SYTL2: variants seen among roughly 807,000 people sequenced by gnomAD.
The protein encoded by SYTL2 is synaptotagmin-like protein 2.
In SYTL2, 165 loss-of-function variants were observed where a neutral mutation model predicts 198.7. The ratio of observed to expected loss-of-function variants is 0.83; its 90% CI spans 0.73 to 0.94. The LOEUF is 0.94. Ranked by LOEUF, SYTL2 falls within the 40% of genes least tolerant of loss-of-function variation. The probability of loss-of-function intolerance (pLI) is 0.00; values close to 1 mark genes in which losing one functional copy is unlikely to be tolerated. For missense variants in SYTL2, 2,835 were observed against 2,582.8 expected, an observed-to-expected ratio of 1.10 and a Z score of -2.12; for synonymous variants, 966 against 917.7, an observed-to-expected ratio of 1.05 and a Z score of -0.95.
chr11:85,758,775 T>G (rs968734209), intron 1 of SYTL2, among the ~76,000 whole-genome samples: 4 of 152,190 alleles, frequency 2.6e-5, no homozygotes, highest in Non-Finnish European at 5.9e-5. Flanking sequence ...GATTTTTCAG[T>G]TGCACAATGT....
chr11:85,799,214 G>A (rs1486471334), intron 1 of SYTL2, among the ~76,000 whole-genome samples: 3 of 152,138 alleles, frequency 2.0e-5, no homozygotes, highest in African/African-American at 7.2e-5. Context: ...AGCCTTCTGG[G>A]CTTTGGGCAT....
intron 16 of SYTL2, among the ~76,000 whole-genome samples, chr11:85,700,797 T>C (rs2084176099): frequency 6.6e-6 from 1 of 152,208 alleles, no homozygotes; most frequent in African/African-American, 2.4e-5. Flanking sequence ...TTGAAAAATC[T>C]TGCAGGATAC....
At chr11:85,720,992 A>G in intron 8 of SYTL2, 33 bp from the exon 9 acceptor site, 1 of 1,304,944 alleles carries the variant, frequency 7.7e-7, no homozygotes, top group Admixed American at 2.0e-5. Context: ...AACACTGCAC[A>G]ATACCAAAAA....
At chr11:85,850,510 A>C in the SYTL2 span, among the ~76,000 whole-genome samples, 3 of 151,718 alleles carry the variant, frequency 2.0e-5, no homozygotes, top group Non-Finnish European at 4.4e-5. Context: ...GGCCATCATT[A>C]AAAAGTCAGG....
In SYTL2 at chr11:85,695,127, C is replaced by G; in HGVS notation, c.*68G>C. The G allele has an allele frequency of 6.6e-7, 1 of 1,505,562 alleles. No individual in the cohort carries two copies. The highest frequency in any genetic ancestry group is 1.3e-5 in the South Asian group (1 of 79,466). 93.3% of individuals were successfully genotyped at this position (1,505,562 alleles called of 1,614,324 possible). On this transcript the variant is annotated 3_prime_UTR_variant, in exon 20 of 20. Coordinates refer to ENST00000359152, the MANE Select transcript of SYTL2 (RefSeq NM_206927.4). Reference sequence around the variant, plus strand: ...GAAAGTGAGGATATTTGTCCACCTACTCAGATTTTCAAGATCAGATTCCAC... The same window carrying G: ...GAAAGTGAGGATATTTGTCCACCTAGTCAGATTTTCAAGATCAGATTCCAC...
intron 1 of SYTL2, among the ~76,000 whole-genome samples, chr11:85,789,371 T>G (rs1566026305): frequency 1.8e-5 from 1 of 56,214 alleles, no homozygotes; most frequent in Non-Finnish European, 3.2e-5. Flanking sequence ...TATATATATA[T>G]ATATATGTAT....
intron 18 of SYTL2, among the ~76,000 whole-genome samples, chr11:85,697,417 G>A (rs915738270): frequency 6.6e-6 from 1 of 152,088 alleles, no homozygotes; most frequent in Non-Finnish European, 1.5e-5. Context: ...AGAGAAACTA[G>A]GAGAGCATAC....
chr11:85,710,756 A>G (rs779022481), intron 13 of SYTL2, among the ~76,000 whole-genome samples: 5 of 152,220 alleles, frequency 3.3e-5, no homozygotes, highest in Non-Finnish European at 5.9e-5. Flanking sequence ...GTTCAATTCT[A>G]TGCCTGCAAA....
rs937135999 is a variant in SYTL2, at chr11:85,810,989, C to G, written c.-425G>C. ...CTGCCGGGCAGGGAGCGCGCCTCGC[C>G]GTCTCTCTTGTCTTCTGGCCCCCAG... is the stretch of plus-strand genomic sequence containing the variant. On this transcript the variant is annotated 5_prime_UTR_variant, in exon 1 of 20. Coordinates refer to ENST00000359152, the MANE Select transcript of SYTL2 (RefSeq NM_206927.4). The G allele has an allele frequency of 2.0e-5, 3 of 152,230 alleles. No individual in the cohort carries two copies. The highest frequency in any genetic ancestry group is 7.2e-5 in the African/African-American group (3 of 41,464). 9.4% of individuals were successfully genotyped at this position (152,230 alleles called of 1,614,324 possible).
In SYTL2 at chr11:85,748,376, C is replaced by T; in HGVS notation, c.149G>A (p.Ser50Asn). ...CTTGGCTTCATAAAACCATTGGCCACTCATATTCTTCAGCTGCTGGTCATC... is the reference window on the plus strand; with the variant it reads ...CTTGGCTTCATAAAACCATTGGCCATTCATATTCTTCAGCTGCTGGTCATC... Reference protein sequence around the residue: ...IKDDQQLKNMSGQWFYEAKAK... With the variant: ...IKDDQQLKNMNGQWFYEAKAK... The change falls in exon 3 of 20, where the codon AGT becomes AAT. Residue 50 changes from serine to asparagine, a missense_variant. By Grantham distance (46) the Ser-to-Asn change is conservative. Transcript: ENST00000359152. 1 of 1,614,018 alleles carries T rather than the reference C, an allele frequency of 6.2e-7. No homozygotes were observed. Among genetic ancestry groups the T allele is most frequent in the Middle Eastern group, 1.7e-4 (1 of 6,058 alleles).
intron 4 of SYTL2, among the ~76,000 whole-genome samples, chr11:85,738,288 C>T (rs948092687): frequency 6.6e-6 from 1 of 152,174 alleles, no homozygotes; most frequent in African/African-American, 2.4e-5. Context: ...GCTATTTTTA[C>T]ACAATTACTC....
chr11:85,763,987 C>A (rs1016051336), intron 1 of SYTL2, among the ~76,000 whole-genome samples: 13 of 152,212 alleles, frequency 8.5e-5, no homozygotes, highest in Non-Finnish European at 1.5e-4. Context: ...AGTGTACCAG[C>A]CCGATGATCA....
intron 1 of SYTL2, among the ~76,000 whole-genome samples, chr11:85,790,020 TATAAG>T (rs1448112041): frequency 3.3e-5 from 5 of 152,072 alleles, no homozygotes; most frequent in African/African-American, 1.2e-4. Context: ...TTTGCATATA[TATAAG>T]ATATCTTGGG....
chr11:85,832,925 G>T, the SYTL2 span, among the ~76,000 whole-genome samples: 1 of 150,364 alleles, frequency 6.7e-6, no homozygotes, highest in African/African-American at 2.4e-5. Flanking sequence ...GAGCCCAGGA[G>T]GTCAAGGCTG....
intron 1 of SYTL2, among the ~76,000 whole-genome samples, chr11:85,777,593 G>C (rs996130913): frequency 2.6e-5 from 4 of 151,704 alleles, no homozygotes; most frequent in African/African-American, 9.7e-5. Flanking sequence ...TTATAAAACA[G>C]GCCCAGGCTC....
At chr11:85,798,412 C>T (rs1054017592) in intron 1 of SYTL2, among the ~76,000 whole-genome samples, 7 of 152,168 alleles carry the variant, frequency 4.6e-5, no homozygotes, top group Non-Finnish European at 1.0e-4. Context: ...TATGTAAAGA[C>T]CAATAACTTC....
In SYTL2 at chr11:85,811,123, C is replaced by G. The variant is rs901423372; in HGVS notation, c.-559G>C. ...TCCCGACGGACGCTGGCGGCACGGC[C>G]CGGGTGTCGCCCGGCACTGTCAACG... On this transcript the variant is annotated 5_prime_UTR_variant, in exon 1 of 20. Coordinates refer to ENST00000359152, the MANE Select transcript of SYTL2 (RefSeq NM_206927.4). 6.6e-6 allele frequency: 1 copy of G among 152,200 alleles called. No individual in the cohort carries two copies. Among genetic ancestry groups the G allele is most frequent in the Non-Finnish European group, 1.5e-5 (1 of 68,050 alleles). The allele number at this position is 152,200 out of a possible 1,614,324, so 9.4% of individuals were successfully genotyped here. A position where few individuals can be genotyped will look rare whatever the true frequency, so the allele number is the denominator to read the frequency against.
At chr11:85,768,835 TA>T (rs1467235233) in intron 1 of SYTL2, among the ~76,000 whole-genome samples, 1 of 152,142 alleles carries the variant, frequency 6.6e-6, no homozygotes, top group East Asian at 1.9e-4. Flanking sequence ...AGAATTCTCC[TA>T]AATCTTTCCA....
chr11:85,734,719 T>C lies in SYTL2; in HGVS notation c.610A>G (p.Lys204Glu), dbSNP rs202176368. 18 of 1,612,910 alleles carry C rather than the reference T, an allele frequency of 1.1e-5. No homozygotes were observed. In the East Asian group the frequency reaches 3.6e-4, roughly 32 times the overall value. ...KEDELSESKE[K>E]STVADTSIQK... ...ATTGAAGTATCTGCGACAGTTGACTTTTCTTTTGACTCTGACAATTCATCT... is the reference window on the plus strand; with the variant it reads ...ATTGAAGTATCTGCGACAGTTGACTCTTCTTTTGACTCTGACAATTCATCT... The change falls in exon 7 of 20, where the codon AAG becomes GAG. Residue 204 changes from lysine to glutamate, a missense_variant. Transcript: ENST00000359152.
Sources: gnomAD v4.1 joint callset for allele counts (sites outside exome capture counted in the v4.1 genomes callset) on GRCh38, gnomAD v4.1.1 for gene constraint, MANE v1.5 for transcripts, NCBI Gene and HGNC (gene_info 2026-07-23, HGNC 2026-07-21) for gene names.